The following KPNA6 variants were observed in gnomAD, a reference collection of about 807,000 sequenced individuals.
KPNA6 encodes the protein karyopherin subunit alpha 6.
Under a neutral mutation model 72.0 loss-of-function variants are expected in KPNA6, and 9 were observed. The observed-to-expected ratio is 0.13, with a 90% CI of 0.08 to 0.22. The LOEUF (loss-of-function observed/expected upper bound fraction) is 0.22. KPNA6 is among the 10% of genes least tolerant of loss of function. The pLI, the probability that KPNA6 is intolerant of heterozygous loss-of-function variation, is 1.00. For missense variants in KPNA6, 374 were observed against 655.7 expected (o/e 0.57, Z 4.69); for synonymous variants, 219 against 242.1 (o/e 0.90, Z 0.89).
At chr1:32,168,915 T>G (rs1365270795) in intron 12 of KPNA6, among the ~76,000 whole-genome samples, 1 of 152,020 alleles carries the variant, frequency 6.6e-6, no homozygotes, top group African/African-American at 2.4e-5. Flanking sequence ...AGGGAAGTAA[T>G]GTGTTCAGAG....
At chr1:32,168,604 GT>G (rs531793684) in intron 12 of KPNA6, among the ~76,000 whole-genome samples, 79 of 152,330 alleles carry the variant, frequency 5.2e-4, no homozygotes, top group African/African-American at 1.9e-3. Flanking sequence ...TATATATAAA[GT>G]CTTAGGAGAA....
chr1:32,118,731 G>A (rs1431734826), intron 1 of KPNA6, among the ~76,000 whole-genome samples: 1 of 151,882 alleles, frequency 6.6e-6, no homozygotes. Context: ...GTTTGAGGTT[G>A]CAGTGAGTTA....
intron 1 of KPNA6, among the ~76,000 whole-genome samples, chr1:32,145,929 C>A (rs1641922147): frequency 6.6e-6 from 1 of 152,156 alleles, no homozygotes; most frequent in Non-Finnish European, 1.5e-5. Flanking sequence ...AGTTATCATT[C>A]TGTTACTGAT....
intron 8 of KPNA6, 38 bp from the exon 9 acceptor site, chr1:32,162,321 CTT>C: frequency 6.5e-7 from 1 of 1,540,360 alleles, no homozygotes; most frequent in Non-Finnish European, 8.7e-7. Context: ...CTGATATAGT[CTT>C]GTTCCCCTGT....
At chr1:32,146,602 C>G (rs1302248227) in intron 1 of KPNA6, among the ~76,000 whole-genome samples, 1 of 152,174 alleles carries the variant, frequency 6.6e-6, no homozygotes, top group Non-Finnish European at 1.5e-5. Context: ...TCATGTACAG[C>G]ATTGTTTCCT....
intron 1 of KPNA6, among the ~76,000 whole-genome samples, chr1:32,141,865 G>A (rs940746608): frequency 1.3e-5 from 2 of 152,000 alleles, no homozygotes; most frequent in Non-Finnish European, 2.9e-5. Context: ...AGGTAATTAG[G>A]GCCTATATTA....
chr1:32,159,947 G>A (rs1570061922), intron 6 of KPNA6, among the ~76,000 whole-genome samples: 1 of 152,310 alleles, frequency 6.6e-6, no homozygotes. Context: ...TTACTAGTTG[G>A]ATAGAATTGG....
chr1:32,114,449 A>ATATATATATATAT (rs1553125080), intron 1 of KPNA6, among the ~76,000 whole-genome samples: 3 of 146,222 alleles, frequency 2.1e-5, no homozygotes, highest in African/African-American at 7.7e-5. Flanking sequence ...CTCAAAAAAA[A>ATATATATATATAT]AAATATATAT....
chr1:32,166,249 T>G lies in KPNA6; in HGVS notation c.1116+19T>G. 1 of 1,607,152 alleles carries G rather than the reference T, an allele frequency of 6.2e-7. No individual in the cohort carries two copies. The highest frequency in any genetic ancestry group is 8.5e-7 in the Non-Finnish European group (1 of 1,177,692). On this transcript the variant is annotated intron_variant, in intron 11 of 13. Coordinates refer to ENST00000373625, the MANE Select transcript of KPNA6 (RefSeq NM_012316.5). ...AATACAGGTAAAACAGGCAGGGAAG[T>G]CAAGGGGCATGGGAAGTCATAGGAA...
chr1:32,156,871 G>A lies in KPNA6; in HGVS notation c.157G>A (p.Val53Met). 6.2e-7 allele frequency: 1 copy of A among 1,613,976 alleles called. No individual in the cohort carries two copies. The highest frequency in any genetic ancestry group is 8.5e-7 in the Non-Finnish European group (1 of 1,179,882). Residue 53 changes from valine to methionine, a missense_variant, in exon 3 of 14, where the codon GTG becomes ATG. Val to Met is a conservative substitution (Grantham distance 21, BLOSUM62 1). This residue lies in a region of KPNA6 where 298 missense variants were observed against 495.4 expected (regional missense o/e 0.60). Coordinates refer to ENST00000373625, the MANE Select transcript of KPNA6 (RefSeq NM_012316.5). ...REQQLFKRRN[V>M]ELINEEAAMF... is the part of the protein sequence containing the mutation. ...CTTTCAGCTTTTTAAACGGAGAAAT[G>A]TGGAGCTGATTAATGAAGAAGCTGC...
intron 12 of KPNA6, among the ~76,000 whole-genome samples, 180 bp from the exon 13 acceptor site, chr1:32,169,702 C>T (rs1481514640): frequency 5.3e-5 from 8 of 151,102 alleles, no homozygotes; most frequent in African/African-American, 9.7e-5. Flanking sequence ...CATTGTGATC[C>T]GCCCACCTCA....
intron 2 of KPNA6, among the ~76,000 whole-genome samples, chr1:32,156,621 T>C (rs570008814): frequency 2.6e-5 from 4 of 152,358 alleles, no homozygotes; most frequent in African/African-American, 9.6e-5. Context: ...TTAAAACTTA[T>C]GAATTGTTCA....
At chr1:32,112,779 G>A (rs1454788645) in intron 1 of KPNA6, among the ~76,000 whole-genome samples, 1 of 152,148 alleles carries the variant, frequency 6.6e-6, no homozygotes, top group Non-Finnish European at 1.5e-5. Context: ...GCATGCATGA[G>A]CCACCATGCC....
chr1:32,169,789 TA>T, intron 12 of KPNA6, 92 bp from the exon 13 acceptor site: 1 of 1,124,424 alleles, frequency 8.9e-7, no homozygotes, highest in Non-Finnish European at 1.3e-6. Flanking sequence ...AAAAATAAAT[TA>T]GTAAGAGTGG....
At chr1:32,112,107 G>A (rs1270639790) in intron 1 of KPNA6, among the ~76,000 whole-genome samples, 1 of 152,234 alleles carries the variant, frequency 6.6e-6, no homozygotes, top group Non-Finnish European at 1.5e-5. Context: ...TAGATGGGAA[G>A]GGAAGCCTGG....
intron 1 of KPNA6, among the ~76,000 whole-genome samples, chr1:32,123,778 G>A (rs1455486034): frequency 2.0e-5 from 3 of 147,906 alleles, no homozygotes; most frequent in Non-Finnish European, 4.5e-5. Flanking sequence ...GCTCACGCCT[G>A]TAATCCCAGC....
rs67312157 is a variant in KPNA6 at position 32,128,387 on chromosome 1, T to TTATATATATATATA, written c.4+20280_4+20293dup. On this transcript the variant is annotated intron_variant, in intron 1 of 13. Transcript: ENST00000373625. Reference sequence around the variant, plus strand: ...TATATTTTTTATATTATATATGTATTTATATATATATATATATATATATAT... The same window carrying TTATATATATATATA: ...TATATTTTTTATATTATATATGTATTTATATATATATATATATATATATATATATATATATATAT... Among the ~76,000 whole-genome samples the TTATATATATATATA allele has an allele frequency of 3.4e-3, 243 of 72,102 alleles. 3 individuals carry two copies. Among genetic ancestry groups the TTATATATATATATA allele is most frequent in the Non-Finnish European group, 5.3e-3 (189 of 35,896 alleles). 47.3% of individuals were successfully genotyped at this position (72,102 alleles called of 152,430 possible).
At chr1:32,163,672 C>A (rs1322065980) in intron 10 of KPNA6, among the ~76,000 whole-genome samples, 5 of 152,194 alleles carry the variant, frequency 3.3e-5, no homozygotes, top group Non-Finnish European at 7.3e-5. Flanking sequence ...CTTCCTAGAT[C>A]TTTAAGGTCT....
chr1:32,171,673 G>A lies in KPNA6; in HGVS notation c.*779G>A, dbSNP rs1642440162. 1 of 152,168 alleles carries A rather than the reference G, an allele frequency of 6.6e-6. No individual in the cohort carries two copies. Among genetic ancestry groups the A allele is most frequent in the Admixed American group, 6.6e-5 (1 of 15,256 alleles). 9.4% of individuals were successfully genotyped at this position (152,168 alleles called of 1,614,324 possible). On this transcript the variant is annotated 3_prime_UTR_variant, in exon 14 of 14. Coordinates refer to ENST00000373625, the MANE Select transcript of KPNA6 (RefSeq NM_012316.5). ...CTGAAGTGTCTCAAGTATACCAGTG[G>A]GAGTGCAGGGGAGGAGCACAGGCCT...
Sources: gnomAD v4.1 joint callset for allele counts (sites outside exome capture counted in the v4.1 genomes callset) on GRCh38, gnomAD v4.1.1 for gene constraint, gnomAD v4.1.1 regional missense constraint, MANE v1.5 for transcripts, NCBI Gene and HGNC (gene_info 2026-07-23, HGNC 2026-07-21) for gene names.